The following PSMD14 variants were observed in gnomAD, a reference collection of about 807,000 sequenced individuals.
PSMD14 encodes the protein ubiquitin C-terminal hydrolase PSMD14.
PSMD14 carries 7 observed loss-of-function variants against 41.2 expected under a neutral mutation model. The ratio of observed to expected loss-of-function variants is 0.17; its 90% CI spans 0.10 to 0.32. The LOEUF (loss-of-function observed/expected upper bound fraction) is 0.32, where lower values mean the gene tolerates loss of function less well. Among genes scored for constraint, PSMD14 ranks in the 10% least tolerant of loss-of-function variants. The pLI is 1.00. For missense variants in PSMD14, 139 were observed against 375.6 expected, an observed-to-expected ratio of 0.37 and a Z score of 5.21; for synonymous variants, 114 against 122.3, an observed-to-expected ratio of 0.93 and a Z score of 0.45.
At chr2:161,315,078 A>G (rs917743876) in intron 1 of PSMD14, among the ~76,000 whole-genome samples, 57 of 152,196 alleles carry the variant, frequency 3.7e-4, no homozygotes, top group African/African-American at 1.3e-3. Context: ...TGTTTATATC[A>G]GTGGTTCTCA....
intron 7 of PSMD14, chr2:161,384,905 G>A (rs1484130561): frequency 6.6e-6 from 1 of 151,760 alleles, no homozygotes; most frequent in African/African-American, 2.4e-5. Context: ...CAGTGGCTTG[G>A]ACATTTAAGG....
chr2:161,339,934 A>T (rs1027473268), intron 3 of PSMD14, among the ~76,000 whole-genome samples: 1 of 152,278 alleles, frequency 6.6e-6, no homozygotes, highest in African/African-American at 2.4e-5. Context: ...TTAACCAACA[A>T]ACCTAAGAAC....
intron 3 of PSMD14, among the ~76,000 whole-genome samples, chr2:161,328,432 A>G (rs1334909850): frequency 1.3e-5 from 2 of 152,038 alleles, no homozygotes; most frequent in Non-Finnish European, 2.9e-5. Flanking sequence ...ATAAAGTAAC[A>G]CCTTTTTTTA....
intron 10 of PSMD14, among the ~76,000 whole-genome samples, chr2:161,402,822 A>G (rs754314405): frequency 2.4e-4 from 37 of 152,238 alleles, no homozygotes; most frequent in Non-Finnish European, 3.5e-4. Flanking sequence ...TTACAAACAC[A>G]TAAAAAAGAT....
chr2:161,344,218 A>G (rs1338250491), intron 3 of PSMD14, among the ~76,000 whole-genome samples: 2 of 152,110 alleles, frequency 1.3e-5, no homozygotes, highest in African/African-American at 4.8e-5. Flanking sequence ...TTAGTGTCTT[A>G]CTTAGTTGGG....
chr2:161,391,566 A>T (rs1683712130), intron 9 of PSMD14, among the ~76,000 whole-genome samples: 1 of 152,066 alleles, frequency 6.6e-6, no homozygotes, highest in Non-Finnish European at 1.5e-5. Flanking sequence ...CTTAAATTGC[A>T]GTTGTGTAGT....
intron 10 of PSMD14, among the ~76,000 whole-genome samples, chr2:161,405,243 ATG>A (rs1352351881): frequency 6.6e-6 from 1 of 152,064 alleles, no homozygotes; most frequent in Admixed American, 6.6e-5. Flanking sequence ...GTATCACATG[ATG>A]TGTTCCTCCC....
intron 3 of PSMD14, among the ~76,000 whole-genome samples, chr2:161,328,821 A>C (rs900522053): frequency 2.0e-5 from 3 of 152,170 alleles, no homozygotes; most frequent in African/African-American, 7.2e-5. Flanking sequence ...AGGAACTTCA[A>C]CTTTATAATG....
intron 3 of PSMD14, among the ~76,000 whole-genome samples, chr2:161,347,912 A>G (rs540186271): frequency 1.3e-5 from 2 of 152,370 alleles, no homozygotes; most frequent in South Asian, 4.1e-4. Flanking sequence ...CATAAAAAGC[A>G]AACAGTGAGC....
chr2:161,355,257 A>G (rs1683179560), intron 3 of PSMD14, among the ~76,000 whole-genome samples: 1 of 152,078 alleles, frequency 6.6e-6, no homozygotes, highest in Admixed American at 6.6e-5. Context: ...CATGTTGGCA[A>G]TTATTTATTG....
intron 2 of PSMD14, among the ~76,000 whole-genome samples, chr2:161,318,026 C>T (rs1397893579): frequency 6.6e-6 from 1 of 152,102 alleles, no homozygotes; most frequent in African/African-American, 2.4e-5. Context: ...GTGAGGTTTT[C>T]AAGCTTGTAA....
intron 8 of PSMD14, among the ~76,000 whole-genome samples, chr2:161,389,610 A>C (rs1269326864): frequency 6.6e-6 from 1 of 152,082 alleles, no homozygotes; most frequent in Non-Finnish European, 1.5e-5. Flanking sequence ...GTAAAATAAG[A>C]ATCTATTGTT....
At chr2:161,349,748 G>C (rs1001505241) in intron 3 of PSMD14, among the ~76,000 whole-genome samples, 1 of 152,194 alleles carries the variant, frequency 6.6e-6, no homozygotes, top group African/African-American at 2.4e-5. Context: ...CCTCAGAGGA[G>C]GGAGGAGAGT....
intron 3 of PSMD14, among the ~76,000 whole-genome samples, chr2:161,324,916 G>C (rs1215981790): frequency 2.0e-5 from 3 of 152,156 alleles, no homozygotes; most frequent in Non-Finnish European, 4.4e-5. Context: ...TTAGGTGAAA[G>C]CTTTAAGAAT....
chr2:161,391,329 G>C (rs191022356), intron 9 of PSMD14, among the ~76,000 whole-genome samples, 151 bp downstream of exon 9: 1 of 152,176 alleles, frequency 6.6e-6, no homozygotes, highest in East Asian at 1.9e-4. Context: ...CACAAAATAA[G>C]GGAATATTTT....
intron 3 of PSMD14, among the ~76,000 whole-genome samples, chr2:161,327,921 G>A (rs1401979650): frequency 1.4e-5 from 2 of 141,196 alleles, no homozygotes; most frequent in Non-Finnish European, 3.1e-5. Flanking sequence ...AATGAAAATT[G>A]GGGAAGCAGG....
chr2:161,401,048 T>C (rs533701446), intron 10 of PSMD14, among the ~76,000 whole-genome samples: 3 of 152,218 alleles, frequency 2.0e-5, no homozygotes, highest in Non-Finnish European at 4.4e-5. Context: ...GTACTATAGA[T>C]AGAGGTCTGC....
chr2:161,325,767 A>G (rs1337264583), intron 3 of PSMD14, among the ~76,000 whole-genome samples: 5 of 152,364 alleles, frequency 3.3e-5, no homozygotes, highest in African/African-American at 7.2e-5. Flanking sequence ...TTTTAATGCT[A>G]TATGACTGAA....
chr2:161,386,390 G>A (rs1480090547), intron 8 of PSMD14, among the ~76,000 whole-genome samples: 3 of 151,786 alleles, frequency 2.0e-5, no homozygotes, highest in Non-Finnish European at 4.4e-5. Context: ...ACCTTGCTCT[G>A]TCATGAGGTT....
Sources: allele counts gnomAD v4.1 joint callset (sites outside exome capture counted in the v4.1 genomes callset), GRCh38; gene constraint gnomAD v4.1.1; transcripts MANE v1.5; gene names NCBI Gene and HGNC (gene_info 2026-07-23, HGNC 2026-07-21).